Variants in CCNY observed in about 807,000 individuals in gnomAD.
CCNY encodes cyclin Y.
CCNY carries 19 observed loss-of-function variants against 42.8 expected under a neutral mutation model. That is an observed-to-expected ratio of 0.44 (90% CI 0.31 to 0.65). The LOEUF (loss-of-function observed/expected upper bound fraction) is 0.65. CCNY is among the 30% of genes least tolerant of loss of function. The pLI is 0.07. For missense variants in CCNY, 370 were observed against 437.3 expected, an observed-to-expected ratio of 0.85 and a Z score of 1.37; for synonymous variants, 165 against 162.7, an observed-to-expected ratio of 1.01 and a Z score of -0.11.
intron 3 of CCNY, among the ~76,000 whole-genome samples, chr10:35,507,069 T>C (rs1840229628): frequency 6.6e-6 from 1 of 152,110 alleles, no homozygotes; most frequent in Non-Finnish European, 1.5e-5. Flanking sequence ...ACTTCATTGC[T>C]CTCCTAACCT....
intron 1 of CCNY, among the ~76,000 whole-genome samples, chr10:35,375,544 G>T (rs1047238136): frequency 2.6e-5 from 4 of 152,158 alleles, no homozygotes; most frequent in African/African-American, 9.7e-5. Context: ...ACAGGTTATG[G>T]GGAAATGTTC....
At chr10:35,409,631 T>C (rs1159373316) in intron 1 of CCNY, among the ~76,000 whole-genome samples, 1 of 152,148 alleles carries the variant, frequency 6.6e-6, no homozygotes, top group African/African-American at 2.4e-5. Flanking sequence ...TAAACCGTGA[T>C]TTACAGATAA....
At chr10:35,278,182 C>A (rs972539372) in intron 3 of CCNY, among the ~76,000 whole-genome samples, 1 of 152,110 alleles carries the variant, frequency 6.6e-6, no homozygotes, top group African/African-American at 2.4e-5. Flanking sequence ...ACCTTCCCCC[C>A]ATCCTCATCC....
At chr10:35,343,981 C>A (rs1318348529) in intron 1 of CCNY, among the ~76,000 whole-genome samples, 1 of 152,150 alleles carries the variant, frequency 6.6e-6, no homozygotes, top group Admixed American at 6.5e-5. Flanking sequence ...GAGGGTAGGT[C>A]CCCAGCAATG....
At chr10:35,537,291 C>T (rs531285378) in intron 7 of CCNY, among the ~76,000 whole-genome samples, 10 of 152,146 alleles carry the variant, frequency 6.6e-5, no homozygotes, top group South Asian at 2.1e-4. Flanking sequence ...GCTTCAGGGG[C>T]GGGGCCCTCA....
At chr10:35,420,220 G>A (rs1838131389) in intron 1 of CCNY, among the ~76,000 whole-genome samples, 1 of 152,142 alleles carries the variant, frequency 6.6e-6, no homozygotes, top group Non-Finnish European at 1.5e-5. Context: ...GTTTGTGTGT[G>A]GGAGGATATA....
chr10:35,365,637 T>C (rs1411509849), intron 1 of CCNY, among the ~76,000 whole-genome samples: 7 of 152,208 alleles, frequency 4.6e-5, no homozygotes, highest in Admixed American at 4.6e-4. Flanking sequence ...GCTTAGAAAC[T>C]GCCAGTTTAG....
intron 1 of CCNY, among the ~76,000 whole-genome samples, chr10:35,450,458 T>C (rs1327619454): frequency 2.0e-5 from 3 of 151,970 alleles, no homozygotes; most frequent in East Asian, 3.9e-4. Context: ...TAGAGGCTCT[T>C]TGGAGTTTTC....
At chr10:35,495,237 C>T (rs1270759443) in intron 2 of CCNY, among the ~76,000 whole-genome samples, 2 of 152,240 alleles carry the variant, frequency 1.3e-5, no homozygotes, top group Non-Finnish European at 2.9e-5. Context: ...CTTTATATGG[C>T]TCTGTATTTT....
At chr10:35,389,526 G>T (rs1261263662) in intron 1 of CCNY, among the ~76,000 whole-genome samples, 3 of 144,762 alleles carry the variant, frequency 2.1e-5, no homozygotes, top group African/African-American at 7.8e-5. Context: ...TGCAACCTCT[G>T]CCTCCCGGGT....
intron 1 of CCNY, among the ~76,000 whole-genome samples, chr10:35,340,695 G>C (rs1031061249): frequency 1.3e-5 from 2 of 151,896 alleles, no homozygotes; most frequent in Admixed American, 1.3e-4. Context: ...GTAGAGATGG[G>C]GTTTCTCCAT....
At chr10:35,426,107 A>ACGCG (rs139244726) in intron 1 of CCNY, among the ~76,000 whole-genome samples, 3 of 63,346 alleles carry the variant, frequency 4.7e-5, no homozygotes, top group African/African-American at 2.3e-4. Context: ...CTGGTCCAGC[A>ACGCG]CGCGCACACA....
intron 1 of CCNY, among the ~76,000 whole-genome samples, chr10:35,376,020 C>A (rs564044206): frequency 6.6e-6 from 1 of 152,094 alleles, no homozygotes; most frequent in African/African-American, 2.4e-5. Context: ...TTCCCTGTAC[C>A]GTGCCTTGGA....
chr10:35,273,707 T>C (rs1235324382), intron 3 of CCNY, among the ~76,000 whole-genome samples: 1 of 152,142 alleles, frequency 6.6e-6, no homozygotes, highest in Non-Finnish European at 1.5e-5. Context: ...CAACATCAAC[T>C]CTCGCGAACC....
chr10:35,498,793 T>A (rs1313560218), intron 2 of CCNY, among the ~76,000 whole-genome samples: 1 of 152,162 alleles, frequency 6.6e-6, no homozygotes, highest in Non-Finnish European at 1.5e-5. Context: ...AAAGACCCTC[T>A]TATGTTAGGA....
intron 1 of CCNY, among the ~76,000 whole-genome samples, chr10:35,344,093 G>A (rs191711562): frequency 1.1e-3 from 173 of 152,328 alleles, no homozygotes; most frequent in African/African-American, 3.7e-3. Flanking sequence ...ATCCTCTTCA[G>A]ATGTTGAGTA....
intron 8 of CCNY, among the ~76,000 whole-genome samples, chr10:35,562,570 G>C (rs1159525261): frequency 6.6e-6 from 1 of 152,166 alleles, no homozygotes; most frequent in African/African-American, 2.4e-5. Flanking sequence ...CATACAGTCT[G>C]TGTCCTTCTG....
rs544746270 is a variant in CCNY, at chr10:35,264,497, T to A, written c.-9+13871T>A. ...CATCTGTTGTTTTTTGACATTTTAA[T>A]AATAGCCACTCTGACTGGTATGAGA... On this transcript the variant is annotated intron_variant, in intron 3 of 11. Coordinates refer to the CCNY transcript ENST00000374706. Among the ~76,000 whole-genome samples the A allele has an allele frequency of 7.2e-5, 11 of 152,350 alleles. No homozygotes were observed. In the South Asian group the frequency reaches 8.3e-4, roughly 11 times the overall value.
intron 3 of CCNY, among the ~76,000 whole-genome samples, chr10:35,277,757 A>C (rs1835255880): frequency 6.6e-6 from 1 of 151,090 alleles, no homozygotes; most frequent in African/African-American, 2.4e-5. Context: ...CCTTCCTGTC[A>C]CAGAGCTCAC....
Sources: allele counts gnomAD v4.1 joint callset (sites outside exome capture counted in the v4.1 genomes callset), GRCh38; gene constraint gnomAD v4.1.1; transcripts MANE v1.5; gene names NCBI Gene and HGNC (gene_info 2026-07-23, HGNC 2026-07-21).